Variants in E2F3 observed in about 807,000 individuals in gnomAD.
E2F3 encodes the protein transcription factor E2F3.
A neutral mutation model predicts 44.4 loss-of-function variants in E2F3; 11 were observed. The ratio of observed to expected loss-of-function variants is 0.25; its 90% CI spans 0.16 to 0.41. The LOEUF is 0.41. E2F3 is among the 10% of genes least tolerant of loss of function. The pLI is 1.00. For missense variants in E2F3, 487 were observed against 583.6 expected (o/e 0.83, Z 1.70); for synonymous variants, 249 against 253.0 (o/e 0.98, Z 0.15).
At chr6:20,470,834 A>G (rs1761867204) in intron 1 of E2F3, among the ~76,000 whole-genome samples, 1 of 152,106 alleles carries the variant, frequency 6.6e-6, no homozygotes, top group Admixed American at 6.5e-5. Flanking sequence ...TTCCCTCCCC[A>G]CCACGAAGCT....
At chr6:20,448,759 G>A (rs918669079) in intron 1 of E2F3, among the ~76,000 whole-genome samples, 8 of 152,198 alleles carry the variant, frequency 5.3e-5, no homozygotes, top group Non-Finnish European at 1.2e-4. Flanking sequence ...TGCTTGTGTT[G>A]ATTGTTTATT....
Position 20,492,052 on chromosome 6 carries a change from C to G in E2F3, c.*1622C>G, listed in dbSNP as rs991819432. 1.0e-5 allele frequency: 2 copies of G among 198,630 alleles called. No individual in the cohort carries two copies. Among genetic ancestry groups the G allele is most frequent in the African/African-American group, 4.6e-5 (2 of 43,182 alleles). 12.3% of individuals were successfully genotyped at this position (198,630 alleles called of 1,614,324 possible). A position where few individuals can be genotyped will look rare whatever the true frequency, so the allele number is the denominator to read the frequency against. On this transcript the variant is annotated 3_prime_UTR_variant, in exon 7 of 7. Transcript: ENST00000346618. ...GTCAGATAAAGAACAAACCTCGAAACGAACAGTTAAATTGAAATGCTATGT... is the reference window on the plus strand; with the variant it reads ...GTCAGATAAAGAACAAACCTCGAAAGGAACAGTTAAATTGAAATGCTATGT...
chr6:20,466,096 C>A (rs1347223750), intron 1 of E2F3, among the ~76,000 whole-genome samples: 2 of 150,572 alleles, frequency 1.3e-5, no homozygotes, highest in Non-Finnish European at 3.0e-5. Flanking sequence ...TTCACATCCA[C>A]GCCAACATGT....
chr6:20,462,879 TTTTTTTTTTTTTTTTTTG>T, intron 1 of E2F3, among the ~76,000 whole-genome samples: 1 of 113,122 alleles, frequency 8.8e-6, no homozygotes. Context: ...TTTTTTTTTT[TTTTTTTTTTTTTTTTTTG>T]AGACAGGGTC....
chr6:20,459,928 C>G (rs1210583935), intron 1 of E2F3, among the ~76,000 whole-genome samples: 1 of 152,164 alleles, frequency 6.6e-6, no homozygotes, highest in Non-Finnish European at 1.5e-5. Context: ...GAGCAAGACC[C>G]TGTCTCAAAA....
chr6:20,490,441 TG>T lies in E2F3; in HGVS notation c.*12del, dbSNP rs1762524751. 1 of 1,543,242 alleles carries T rather than the reference TG, an allele frequency of 6.5e-7. No individual in the cohort carries two copies. Among genetic ancestry groups the T allele is most frequent in the South Asian group, 1.3e-5 (1 of 79,112 alleles). ...TTCATGTGTAGTTGATTATGCTTCG[TG>T]TGAACTCTCCTTAAAAACCGATATT... On this transcript the variant is annotated 3_prime_UTR_variant, in exon 7 of 7. Transcript: ENST00000346618. The surrounding 1 kb of genome is among the most constrained non-coding windows in gnomAD (Gnocchi z 4.3).
intron 1 of E2F3, among the ~76,000 whole-genome samples, chr6:20,432,573 C>T (rs753209417): frequency 6.6e-6 from 1 of 152,122 alleles, no homozygotes; most frequent in African/African-American, 2.4e-5. Context: ...AAGGTGTGGT[C>T]GGATGATTAC....
chr6:20,409,057 G>A lies in E2F3; in HGVS notation c.393+6432G>A, dbSNP rs2127584555. Among the ~76,000 whole-genome samples the A allele has an allele frequency of 1.3e-5, 2 of 152,342 alleles. 1 individual carries two copies. Among genetic ancestry groups the A allele is most frequent in the East Asian group, 3.9e-4 (2 of 5,188 alleles). On this transcript the variant is annotated intron_variant, in intron 1 of 6. Coordinates refer to ENST00000346618, the MANE Select transcript of E2F3 (RefSeq NM_001949.5). ...TGCCCAAGGTCACAGGTCTTTGCTAGTGGCAAAGCCAAAACCGAAACGGGA... is the reference window on the plus strand; with the variant it reads ...TGCCCAAGGTCACAGGTCTTTGCTAATGGCAAAGCCAAAACCGAAACGGGA...
chr6:20,410,841 C>T (rs1759649098), intron 1 of E2F3, among the ~76,000 whole-genome samples: 3 of 152,174 alleles, frequency 2.0e-5, no homozygotes, highest in African/African-American at 7.2e-5. Flanking sequence ...AGGCTGGTCT[C>T]GAACTCCTGA....
In E2F3 at chr6:20,401,989, A is replaced by G; in HGVS notation, c.-244A>G. 2 of 553,018 alleles carry G rather than the reference A, an allele frequency of 3.6e-6. No individual in the cohort carries two copies. Among genetic ancestry groups the G allele is most frequent in the South Asian group, 9.3e-5 (2 of 21,424 alleles). The allele number at this position is 553,018 out of a possible 1,614,324, so 34.3% of individuals were successfully genotyped here. On this transcript the variant is annotated 5_prime_UTR_variant, in exon 1 of 7. Coordinates refer to ENST00000346618, the MANE Select transcript of E2F3 (RefSeq NM_001949.5). ...TGCATCGGCCGCCCCCGACGCCTCC[A>G]TCCCCGCTTGGGGCCCGATATCCGT... is the stretch of plus-strand genomic sequence containing the variant.
intron 1 of E2F3, among the ~76,000 whole-genome samples, chr6:20,418,536 G>T (rs1759924230): frequency 6.6e-6 from 1 of 152,196 alleles, no homozygotes; most frequent in African/African-American, 2.4e-5. Flanking sequence ...GTGTTAATCA[G>T]AGTTCTAAAG....
Position 20,450,963 on chromosome 6 carries a change from C to G in E2F3, c.394-28883C>G, listed in dbSNP as rs554819103. On this transcript the variant is annotated intron_variant, in intron 1 of 6. Coordinates refer to ENST00000346618, the MANE Select transcript of E2F3 (RefSeq NM_001949.5). Reference sequence around the variant, plus strand: ...AGGTGTGCGGCCTTACTTCTGGGCTCTCATTCTGTCCCATTGGTCTATGTG... The same window carrying G: ...AGGTGTGCGGCCTTACTTCTGGGCTGTCATTCTGTCCCATTGGTCTATGTG... Among the ~76,000 whole-genome samples, 145 of 152,128 alleles carry G rather than the reference C, an allele frequency of 9.5e-4. 1 individual carries two copies. The highest frequency in any genetic ancestry group is 3.0e-3 in the Admixed American group (46 of 15,268).
At chr6:20,482,140 T>C (rs1762244048) in intron 3 of E2F3, among the ~76,000 whole-genome samples, 1 of 152,192 alleles carries the variant, frequency 6.6e-6, no homozygotes, top group African/African-American at 2.4e-5. Context: ...ACATACCTTT[T>C]TTTGCACATT....
intron 1 of E2F3, among the ~76,000 whole-genome samples, chr6:20,435,472 G>T (rs1760543804): frequency 6.6e-6 from 1 of 152,168 alleles, no homozygotes; most frequent in South Asian, 2.1e-4. Flanking sequence ...CATTGACTTG[G>T]CCGGGCACAG....
chr6:20,429,848 T>C (rs2127592763), intron 1 of E2F3, among the ~76,000 whole-genome samples: 1 of 152,220 alleles, frequency 6.6e-6, no homozygotes, highest in Non-Finnish European at 1.5e-5. Context: ...TAATAATAGA[T>C]GGTTTTTTTG....
At position 20,414,939 on chromosome 6, in the gene E2F3, A is replaced by G. The variant is rs541655615; in HGVS notation, c.393+12314A>G. 2.6e-5 allele frequency among the ~76,000 whole-genome samples: 4 copies of G among 152,160 alleles called. No homozygotes were observed. The East Asian group carries it at 7.7e-4, about 29-fold the overall frequency. ...TGAGCTGTAGTTACCTAAAATAGTGATCCTCTCTCCTTCACTGGCTGGAAG... is the reference window on the plus strand; with the variant it reads ...TGAGCTGTAGTTACCTAAAATAGTGGTCCTCTCTCCTTCACTGGCTGGAAG... On this transcript the variant is annotated intron_variant, in intron 1 of 6. Coordinates refer to ENST00000346618, the MANE Select transcript of E2F3 (RefSeq NM_001949.5).
In E2F3 at chr6:20,403,705, A is replaced by AC. The variant is rs1321865882; in HGVS notation, c.393+1087dup. 3.5e-4 allele frequency: 131 copies of AC among 379,004 alleles called. 1 individual carries two copies. The highest frequency in any genetic ancestry group is 6.8e-4 in the South Asian group (21 of 30,776). The allele number at this position is 379,004 out of a possible 1,614,324, so 23.5% of individuals were successfully genotyped here. Reference sequence around the variant, plus strand: ...CCGCCACCCTCCCTCTCCTCTCCCCACCCCCCCACCGGCGCCCGCCCTCGC... The same window carrying AC: ...CCGCCACCCTCCCTCTCCTCTCCCCACCCCCCCCACCGGCGCCCGCCCTCGC... On this transcript the variant is annotated intron_variant, in intron 1 of 6. Coordinates refer to ENST00000346618, the MANE Select transcript of E2F3 (RefSeq NM_001949.5).
At position 20,403,787 on chromosome 6, in the gene E2F3, T is replaced by TC. The variant is rs770000087; in HGVS notation, c.393+1168dup. The TC allele has an allele frequency of 1.7e-5, 25 of 1,430,208 alleles. 1 individual carries two copies. The South Asian group carries it at 2.4e-4, about 14-fold the overall frequency. 88.6% of individuals were successfully genotyped at this position (1,430,208 alleles called of 1,614,324 possible). On this transcript the variant is annotated intron_variant, in intron 1 of 6. Transcript: ENST00000346618. ...CCCCCTCTCCAGCCGGCCCCCCACC[T>TC]CCCCCCGGAGCCAGGCTGGTTTCGG...
intron 4 of E2F3, among the ~76,000 whole-genome samples, chr6:20,485,488 G>A (rs746720670): frequency 9.2e-5 from 14 of 152,134 alleles, no homozygotes; most frequent in Non-Finnish European, 1.8e-4. Flanking sequence ...GCTGAGGCAC[G>A]AGAATCATTT....
Sources: gnomAD v4.1 joint callset for allele counts (sites outside exome capture counted in the v4.1 genomes callset) on GRCh38, gnomAD v4.1.1 for gene constraint, Gnocchi (gnomAD v3.1) non-coding constraint, MANE v1.5 for transcripts, NCBI Gene and HGNC (gene_info 2026-07-23, HGNC 2026-07-21) for gene names.